Variants in INPP4B observed in about 807,000 individuals in gnomAD.
The protein encoded by INPP4B is inositol polyphosphate 4-phosphatase type II.
Under a neutral mutation model 122.5 loss-of-function variants are expected in INPP4B, and 55 were observed. The ratio of observed to expected loss-of-function variants is 0.45; its 90% confidence interval spans 0.36 to 0.56. The LOEUF (loss-of-function observed/expected upper bound fraction) is 0.56. Among genes scored for constraint, INPP4B ranks in the 20% least tolerant of loss-of-function variants. The pLI is 0.00. For missense variants in INPP4B, 1,000 were observed against 1,097.7 expected (o/e 0.91, Z 1.26); for synonymous variants, 403 against 388.7 (o/e 1.04, Z -0.43).
At chr4:142,394,170 G>A (rs2149033587) in intron 7 of INPP4B, among the ~76,000 whole-genome samples, 1 of 152,178 alleles carries the variant, frequency 6.6e-6, no homozygotes, top group East Asian at 1.9e-4. Flanking sequence ...TTTTGAGACG[G>A]AGTCTCGCTC....
At chr4:142,803,345 G>A (rs1193369861) in intron 1 of INPP4B, among the ~76,000 whole-genome samples, 1 of 151,872 alleles carries the variant, frequency 6.6e-6, no homozygotes, top group Non-Finnish European at 1.5e-5. Flanking sequence ...TCAGGCAGTA[G>A]ATACTCAGAA....
chr4:142,478,413 G>A (rs970511619), intron 2 of INPP4B, among the ~76,000 whole-genome samples: 2 of 151,918 alleles, frequency 1.3e-5, no homozygotes, highest in African/African-American at 4.8e-5. Context: ...TGTCATAAAT[G>A]GCTTTTATTA....
intron 1 of INPP4B, among the ~76,000 whole-genome samples, chr4:142,804,003 G>A (rs1380029628): frequency 1.3e-5 from 2 of 151,588 alleles, no homozygotes; most frequent in African/African-American, 2.4e-5. Flanking sequence ...AGGTTGCAGT[G>A]AGCCAAGATT....
At chr4:142,581,991 G>T (rs1580422923) in intron 2 of INPP4B, among the ~76,000 whole-genome samples, 1 of 151,970 alleles carries the variant, frequency 6.6e-6, no homozygotes, top group South Asian at 2.1e-4. Flanking sequence ...AAATATATAT[G>T]TGCTACAACT....
At chr4:142,574,452 G>A (rs1263915993) in intron 2 of INPP4B, among the ~76,000 whole-genome samples, 1 of 151,960 alleles carries the variant, frequency 6.6e-6, no homozygotes, top group Non-Finnish European at 1.5e-5. Flanking sequence ...TCTCTCATGT[G>A]GGCATTATGA....
chr4:142,556,521 G>A lies in INPP4B; in HGVS notation c.-190-93795C>T, dbSNP rs538102012. ...AGTTTTGGGAATAAAGGAGAAAGAG[G>A]CATAAAGAAAGAATCTGAGGCTTGG... On this transcript the variant is annotated intron_variant, in intron 2 of 25. Coordinates refer to ENST00000262992, the MANE Select transcript of INPP4B (RefSeq NM_001101669.3). Among the ~76,000 whole-genome samples, 34 of 152,244 alleles carry A rather than the reference G, an allele frequency of 2.2e-4. 1 individual carries two copies. In the South Asian group the frequency reaches 6.6e-3, roughly 30 times the overall value.
intron 1 of INPP4B, among the ~76,000 whole-genome samples, chr4:142,801,738 A>C (rs1778028349): frequency 6.6e-6 from 1 of 152,208 alleles, no homozygotes; most frequent in African/African-American, 2.4e-5. Context: ...GGAGAAGCAT[A>C]AGTCAGAGTG....
intron 4 of INPP4B, among the ~76,000 whole-genome samples, chr4:142,430,941 A>G (rs1358194979): frequency 2.0e-5 from 3 of 152,102 alleles, no homozygotes; most frequent in Non-Finnish European, 4.4e-5. Flanking sequence ...ATATTTAACC[A>G]TTTCATGGAC....
chr4:142,327,905 T>A (rs1773026010), intron 7 of INPP4B, among the ~76,000 whole-genome samples: 1 of 152,186 alleles, frequency 6.6e-6, no homozygotes, highest in Non-Finnish European at 1.5e-5. Context: ...TCTGCTGTAT[T>A]CCAAAACCAA....
At chr4:142,770,782 G>A (rs1204698286) in intron 1 of INPP4B, among the ~76,000 whole-genome samples, 1 of 152,078 alleles carries the variant, frequency 6.6e-6, no homozygotes, top group Non-Finnish European at 1.5e-5. Context: ...ATACAAGTGT[G>A]GTATCCGCTT....
chr4:142,409,407 C>A (rs1004840737), intron 5 of INPP4B, among the ~76,000 whole-genome samples: 3 of 152,036 alleles, frequency 2.0e-5, no homozygotes, highest in African/African-American at 7.2e-5. Flanking sequence ...GTGGGAGAGT[C>A]GCTTGAACCC....
rs546634337 is a variant in INPP4B at position 142,101,580 on chromosome 4, A to G, written c.2374+6513T>C. On this transcript the variant is annotated intron_variant, in intron 23 of 25. Coordinates refer to ENST00000262992, the MANE Select transcript of INPP4B (RefSeq NM_001101669.3). ...TGCTTTTCCAGTCTGTGGCTTTGGA[A>G]CAGTATGGAGAGTCCAACAGTGCAG... Among the ~76,000 whole-genome samples the G allele has an allele frequency of 3.9e-5, 6 of 152,214 alleles. No homozygotes were observed. In the East Asian group the frequency reaches 5.8e-4, roughly 15 times the overall value.
At chr4:142,628,038 G>A (rs188836690) in intron 2 of INPP4B, among the ~76,000 whole-genome samples, 2,803 of 151,962 alleles carry the variant, frequency 0.018, 89 homozygotes, top group African/African-American at 0.063. Flanking sequence ...GTTTATTTGC[G>A]TACCCAGCCA....
chr4:142,141,374 T>C (rs916231130), intron 18 of INPP4B, among the ~76,000 whole-genome samples: 2 of 152,170 alleles, frequency 1.3e-5, no homozygotes, highest in African/African-American at 4.8e-5. Context: ...GGTTCTAATA[T>C]TCACTGATTT....
At chr4:142,467,222 C>A (rs1393042717) in intron 2 of INPP4B, among the ~76,000 whole-genome samples, 1 of 152,206 alleles carries the variant, frequency 6.6e-6, no homozygotes, top group Admixed American at 6.5e-5. Context: ...CAGTAGATTG[C>A]AGCTTAAGCG....
intron 2 of INPP4B, among the ~76,000 whole-genome samples, chr4:142,463,004 A>C (rs754830357): frequency 1.9e-4 from 29 of 152,226 alleles, no homozygotes; most frequent in Non-Finnish European, 3.8e-4. Context: ...CAGGCACTAT[A>C]TTAAGTTACA....
In INPP4B at chr4:142,793,926, G is replaced by T. The variant is rs180980116; in HGVS notation, c.-254+52283C>A. 5.4e-3 allele frequency among the ~76,000 whole-genome samples: 814 copies of T among 152,136 alleles called. 4 individuals are homozygous for T. The highest frequency in any genetic ancestry group is 0.017 in the African/African-American group (726 of 41,532). ...TTAAAGGAAACTAAACAAATGGATA[G>T]ATGTACCATATTCATATATTGGAAA... On this transcript the variant is annotated intron_variant, in intron 1 of 25. Coordinates refer to ENST00000262992, the MANE Select transcript of INPP4B (RefSeq NM_001101669.3).
intron 8 of INPP4B, among the ~76,000 whole-genome samples, chr4:142,306,563 G>A (rs2151204732): frequency 6.6e-6 from 1 of 152,246 alleles, no homozygotes; most frequent in African/African-American, 2.4e-5. Flanking sequence ...GAGGTAAATA[G>A]GAAATTATTT....
At chr4:142,767,096 C>T (rs1046343937) in intron 1 of INPP4B, among the ~76,000 whole-genome samples, 3 of 152,192 alleles carry the variant, frequency 2.0e-5, no homozygotes, top group Non-Finnish European at 4.4e-5. Flanking sequence ...GCTCATTCCA[C>T]TTTTCACACT....
Sources: gnomAD v4.1 joint callset for allele counts (sites outside exome capture counted in the v4.1 genomes callset) on GRCh38, gnomAD v4.1.1 for gene constraint, MANE v1.5 for transcripts, NCBI Gene and HGNC (gene_info 2026-07-23, HGNC 2026-07-21) for gene names.